The following PARPBP variants were observed in gnomAD, a reference collection of about 807,000 sequenced individuals.
PARPBP encodes PCNA-interacting partner.
In PARPBP, 52 loss-of-function variants were observed where a neutral mutation model predicts 50.0. The ratio of observed to expected loss-of-function variants is 1.04; its 90% CI spans 0.83 to 1.31. The LOEUF is 1.31. Among genes scored for constraint, PARPBP ranks in the 50% most tolerant of loss-of-function variants. The pLI, the probability that PARPBP is intolerant of heterozygous loss-of-function variation, is 0.00. For synonymous variants in PARPBP, 244 were observed against 232.1 expected (o/e 1.05, Z -0.47); for missense variants, 697 against 672.0 (o/e 1.04, Z -0.41).
chr12:102,125,994 A>C (rs1193546853), intron 2 of PARPBP, among the ~76,000 whole-genome samples: 1 of 152,232 alleles, frequency 6.6e-6, no homozygotes, highest in Non-Finnish European at 1.5e-5. Flanking sequence ...GGCAAAAATC[A>C]AAGCAAAGAT....
At chr12:102,183,412 A>C (rs2137010079) in intron 9 of PARPBP, among the ~76,000 whole-genome samples, 1 of 152,266 alleles carries the variant, frequency 6.6e-6, no homozygotes, top group South Asian at 2.1e-4. Context: ...TTTAGTTTAA[A>C]TTACCAAAGC....
chr12:102,190,903 T>C (rs979907861), intron 9 of PARPBP, among the ~76,000 whole-genome samples: 1 of 152,140 alleles, frequency 6.6e-6, no homozygotes, highest in Non-Finnish European at 1.5e-5. Context: ...GTTTGGGTTT[T>C]AAATAGCCAT....
At chr12:102,134,376 C>T (rs980113416) in intron 2 of PARPBP, among the ~76,000 whole-genome samples, 9 of 152,052 alleles carry the variant, frequency 5.9e-5, no homozygotes, top group African/African-American at 1.9e-4. Context: ...AATTCCTTGA[C>T]ACGTACTATC....
intron 2 of PARPBP, among the ~76,000 whole-genome samples, chr12:102,145,421 A>G (rs1364238490): frequency 6.6e-6 from 1 of 152,184 alleles, no homozygotes; most frequent in African/African-American, 2.4e-5. Context: ...TGTATTAAAA[A>G]GGAGTAGTTA....
At chr12:102,176,933 A>G (rs1349818912) in intron 7 of PARPBP, among the ~76,000 whole-genome samples, 5 of 152,328 alleles carry the variant, frequency 3.3e-5, no homozygotes, top group South Asian at 2.1e-4. Context: ...ATAAGTATCA[A>G]TCAGAATCTG....
intron 2 of PARPBP, among the ~76,000 whole-genome samples, chr12:102,133,948 T>A (rs960708632): frequency 8.6e-5 from 13 of 151,972 alleles, no homozygotes; most frequent in Admixed American, 6.6e-5. Context: ...CCACAACTTA[T>A]GGGATAGAGC....
At chr12:102,156,792 C>T (rs1357680596) in intron 4 of PARPBP, among the ~76,000 whole-genome samples, 2 of 152,106 alleles carry the variant, frequency 1.3e-5, no homozygotes, top group African/African-American at 4.8e-5. Context: ...CAAGCGTGCA[C>T]CACCACGCCT....
chr12:102,131,940 A>T (rs1316407237), intron 2 of PARPBP, among the ~76,000 whole-genome samples: 2 of 148,144 alleles, frequency 1.4e-5, no homozygotes, highest in Non-Finnish European at 3.1e-5. Flanking sequence ...GCTGTGGCTA[A>T]TGCCTGTAAT....
rs187652595 is a variant in PARPBP at position 102,154,482 on chromosome 12, T to C, written c.495+506T>C. Among the ~76,000 whole-genome samples the C allele has an allele frequency of 1.1e-4, 16 of 152,258 alleles. No individual in the cohort carries two copies. In the East Asian group the frequency reaches 2.9e-3, roughly 28 times the overall value. On this transcript the variant is annotated intron_variant, in intron 4 of 10. Coordinates refer to ENST00000327680, the MANE Select transcript of PARPBP (RefSeq NM_017915.5). ...ATACTATGCTGGGTACCTAAACATA[T>C]ATGGTAACCCCACTAACCATAGTAG... is the stretch of plus-strand genomic sequence containing the variant.
intron 3 of PARPBP, among the ~76,000 whole-genome samples, 158 bp from the exon 4 acceptor site, chr12:102,153,711 A>C (rs1048493800): frequency 6.6e-6 from 1 of 152,242 alleles, no homozygotes; most frequent in Non-Finnish European, 1.5e-5. Flanking sequence ...ATGGGCAATT[A>C]CATTATGAAG....
rs146519086 is a variant in PARPBP at position 102,168,463 on chromosome 12, C to A, written c.821+2580C>A. 4.3e-4 allele frequency among the ~76,000 whole-genome samples: 65 copies of A among 152,110 alleles called. 1 individual carries two copies. The East Asian group carries it at 0.011, about 25-fold the overall frequency. On this transcript the variant is annotated intron_variant, in intron 6 of 10. Transcript: ENST00000327680. The stretch of plus-strand genomic sequence containing the variant: ...GTCTTCAACTGGGTATCTGAATAGT[C>A]CACTTGAGCAATTTTTGTTATCTTT...
intron 6 of PARPBP, among the ~76,000 whole-genome samples, chr12:102,169,091 G>A (rs191516834): frequency 3.5e-4 from 54 of 152,176 alleles, no homozygotes; most frequent in Non-Finnish European, 1.8e-4. Flanking sequence ...TTATTTGATT[G>A]TCTGTACTTG....
At chr12:102,133,404 A>G (rs1268342172) in intron 2 of PARPBP, among the ~76,000 whole-genome samples, 5 of 152,078 alleles carry the variant, frequency 3.3e-5, no homozygotes, top group South Asian at 2.1e-4. Flanking sequence ...AGAGATGATC[A>G]TAGTGTTTTG....
At chr12:102,155,603 G>A (rs951568746) in intron 4 of PARPBP, among the ~76,000 whole-genome samples, 2 of 119,492 alleles carry the variant, frequency 1.7e-5, no homozygotes, top group African/African-American at 6.0e-5. Flanking sequence ...GTGGGGGGGG[G>A]GGGCGGGGAC....
At chr12:102,154,949 T>C (rs2139100126) in intron 4 of PARPBP, 1 of 379,964 alleles carries the variant, frequency 2.6e-6, no homozygotes, top group East Asian at 7.6e-5. Flanking sequence ...AACCTTGGTC[T>C]TCACAATCCC....
chr12:102,143,403 G>T (rs1222268080), intron 2 of PARPBP, among the ~76,000 whole-genome samples: 1 of 152,210 alleles, frequency 6.6e-6, no homozygotes, highest in Admixed American at 6.5e-5. Context: ...CCTTGGCTAG[G>T]AAAGGGAATT....
chr12:102,154,979 C>G, intron 4 of PARPBP: 1 of 341,716 alleles, frequency 2.9e-6, no homozygotes, highest in Non-Finnish European at 5.7e-6. Context: ...ACCAGAGACT[C>G]CTTTCTACTG....
intron 2 of PARPBP, among the ~76,000 whole-genome samples, chr12:102,146,249 G>A (rs375165955): frequency 1.8e-4 from 27 of 152,050 alleles, no homozygotes; most frequent in Admixed American, 5.9e-4. Flanking sequence ...AAAAGAACCC[G>A]CATCACCAAG....
chr12:102,145,632 A>G (rs1885239236), intron 2 of PARPBP, among the ~76,000 whole-genome samples: 1 of 152,178 alleles, frequency 6.6e-6, no homozygotes, highest in Non-Finnish European at 1.5e-5. Context: ...ACATGTTGGT[A>G]ACATTAGTGG....
Sources: gnomAD v4.1 joint callset for allele counts (sites outside exome capture counted in the v4.1 genomes callset) on GRCh38, gnomAD v4.1.1 for gene constraint, MANE v1.5 for transcripts, NCBI Gene and HGNC (gene_info 2026-07-23, HGNC 2026-07-21) for gene names.